The following OLA1 variants were observed in gnomAD, a reference collection of about 807,000 sequenced individuals.
OLA1 encodes Obg like ATPase 1, also known as obg-like ATPase 1.
In OLA1, 14 loss-of-function variants were observed where a neutral mutation model predicts 48.4. The ratio of observed to expected loss-of-function variants is 0.29; its 90% confidence interval spans 0.19 to 0.45. OLA1 has a LOEUF of 0.45. Ranked by LOEUF, OLA1 falls within the 20% of genes least tolerant of loss-of-function variation. The pLI is 1.00. For missense variants in OLA1, 325 were observed against 467.1 expected (o/e 0.70, Z 2.80); for synonymous variants, 127 against 150.4 (o/e 0.84, Z 1.14).
intron 4 of OLA1, among the ~76,000 whole-genome samples, chr2:174,188,875 G>C (rs537627874): frequency 6.6e-6 from 1 of 152,110 alleles, no homozygotes; most frequent in Non-Finnish European, 1.5e-5. Context: ...TTATGTATAT[G>C]CAAATGTTCC....
rs755371905 is a variant in OLA1, at chr2:174,072,520, A to T, written c.*2906T>A. On this transcript the variant is annotated 3_prime_UTR_variant, in exon 11 of 11. Transcript: ENST00000284719. ...AAAATAAGTTGAAATGAATTTTCCC[A>T]GCTAAAGTAGTTTGCCATTAGGAAC... is the stretch of plus-strand genomic sequence containing the variant. 1 of 152,214 alleles carries T rather than the reference A, an allele frequency of 6.6e-6. No homozygotes were observed. The highest frequency in any genetic ancestry group is 1.5e-5 in the Non-Finnish European group (1 of 68,038). The allele number at this position is 152,214 out of a possible 1,614,324, so 9.4% of individuals were successfully genotyped here. A position where few individuals can be genotyped will look rare whatever the true frequency, so the allele number is the denominator to read the frequency against.
chr2:174,110,509 A>G (rs760430766), intron 7 of OLA1, among the ~76,000 whole-genome samples: 2 of 151,744 alleles, frequency 1.3e-5, no homozygotes, highest in Non-Finnish European at 2.9e-5. Flanking sequence ...CACTGGCACA[A>G]TCAAAGCTTA....
intron 2 of OLA1, among the ~76,000 whole-genome samples, chr2:174,235,009 A>G (rs944084306): frequency 6.6e-6 from 1 of 152,112 alleles, no homozygotes; most frequent in Admixed American, 6.5e-5. Context: ...AAATACAAAA[A>G]TTAGCCAGGC....
chr2:174,187,786 T>C (rs1333470866), intron 4 of OLA1, among the ~76,000 whole-genome samples: 1 of 152,186 alleles, frequency 6.6e-6, no homozygotes, highest in African/African-American at 2.4e-5. Flanking sequence ...GGCAGGGGTA[T>C]GGAAGGTTTT....
chr2:174,176,983 A>T (rs1336424006), intron 4 of OLA1, among the ~76,000 whole-genome samples: 1 of 152,106 alleles, frequency 6.6e-6, no homozygotes, highest in Non-Finnish European at 1.5e-5. Context: ...GTCCCACATC[A>T]TTCAGAACAA....
chr2:174,143,616 T>C (rs909043704), intron 4 of OLA1, among the ~76,000 whole-genome samples: 1 of 152,164 alleles, frequency 6.6e-6, no homozygotes, highest in African/African-American at 2.4e-5. Flanking sequence ...GTAAATGCAT[T>C]AGCAGGTTTT....
At chr2:174,151,444 T>C (rs749105550) in intron 4 of OLA1, among the ~76,000 whole-genome samples, 1 of 152,218 alleles carries the variant, frequency 6.6e-6, no homozygotes, top group Non-Finnish European at 1.5e-5. Context: ...GCTTTCCAGT[T>C]TGTCCTACGC....
At chr2:174,092,059 G>A (rs1322563271) in intron 7 of OLA1, among the ~76,000 whole-genome samples, 2 of 149,426 alleles carry the variant, frequency 1.3e-5, no homozygotes, top group Non-Finnish European at 3.0e-5. Context: ...CCTGGGAGGC[G>A]GAGGTTGCAG....
intron 2 of OLA1, among the ~76,000 whole-genome samples, chr2:174,242,606 A>G (rs574786421): frequency 3.3e-5 from 5 of 152,266 alleles, no homozygotes; most frequent in Admixed American, 6.5e-5. Context: ...CACTATACCA[A>G]GCTATGACTG....
intron 4 of OLA1, among the ~76,000 whole-genome samples, chr2:174,182,039 T>C (rs1687555986): frequency 6.6e-6 from 1 of 152,172 alleles, no homozygotes; most frequent in South Asian, 2.1e-4. Flanking sequence ...TGACTGCTTC[T>C]GTTTTCTCAA....
intron 4 of OLA1, among the ~76,000 whole-genome samples, chr2:174,183,871 C>A (rs1687600449): frequency 6.6e-6 from 1 of 152,162 alleles, no homozygotes; most frequent in Non-Finnish European, 1.5e-5. Context: ...ATGTTCAGGT[C>A]TCTAGAGACA....
chr2:174,171,504 C>G (rs955447597), intron 4 of OLA1, among the ~76,000 whole-genome samples: 1 of 151,936 alleles, frequency 6.6e-6, no homozygotes, highest in African/African-American at 2.4e-5. Context: ...AATACACAAA[C>G]GTTTTAAGAA....
At chr2:174,241,286 C>G (rs777623221) in intron 2 of OLA1, among the ~76,000 whole-genome samples, 2 of 152,230 alleles carry the variant, frequency 1.3e-5, no homozygotes, top group Non-Finnish European at 2.9e-5. Flanking sequence ...CTTTCTAACT[C>G]ACTACATTCC....
chr2:174,203,558 C>T (rs577097214), intron 4 of OLA1, among the ~76,000 whole-genome samples: 2 of 151,764 alleles, frequency 1.3e-5, no homozygotes, highest in Non-Finnish European at 2.9e-5. Context: ...GCCTCAGCCT[C>T]CCAAAATGCT....
chr2:174,172,197 G>A (rs892813555), intron 4 of OLA1: 5 of 217,522 alleles, frequency 2.3e-5, no homozygotes, highest in African/African-American at 1.2e-4. Context: ...AGAAAAGAAT[G>A]TGGAGGCAGC....
chr2:174,184,889 T>TA (rs1034807630), intron 4 of OLA1, among the ~76,000 whole-genome samples: 8 of 152,162 alleles, frequency 5.3e-5, no homozygotes, highest in South Asian at 2.1e-4. Context: ...AATAGCTTTT[T>TA]AAAAAAATTA....
At chr2:174,221,504 C>A (rs140556024) in intron 4 of OLA1, among the ~76,000 whole-genome samples, 288 of 152,226 alleles carry the variant, frequency 1.9e-3, no homozygotes, top group African/African-American at 6.6e-3. Context: ...TTTCAGTGCT[C>A]TCCTATTTTC....
At chr2:174,123,080 A>G in intron 7 of OLA1, 100 bp downstream of exon 7, 1 of 611,218 alleles carries the variant, frequency 1.6e-6, no homozygotes, top group Middle Eastern at 2.5e-4. Flanking sequence ...GGAGAAAAAT[A>G]TTAAAATTAA....
chr2:174,097,964 A>T (rs2105350535), intron 7 of OLA1, among the ~76,000 whole-genome samples: 1 of 152,314 alleles, frequency 6.6e-6, no homozygotes, highest in South Asian at 2.1e-4. Context: ...TTCATAAAGG[A>T]GTAGACACTG....
Sources: gnomAD v4.1 joint callset for allele counts (sites outside exome capture counted in the v4.1 genomes callset) on GRCh38, gnomAD v4.1.1 for gene constraint, MANE v1.5 for transcripts, NCBI Gene and HGNC (gene_info 2026-07-23, HGNC 2026-07-21) for gene names.